Variants in PHGDH observed in about 807,000 individuals in gnomAD.
PHGDH encodes phosphoglycerate dehydrogenase, also known as D-3-phosphoglycerate dehydrogenase.
In PHGDH, 50 loss-of-function variants were observed where a neutral mutation model predicts 52.6. The ratio of observed to expected loss-of-function variants is 0.95; its 90% CI spans 0.76 to 1.20. The LOEUF (loss-of-function observed/expected upper bound fraction) is 1.20. Among genes scored for constraint, PHGDH ranks in the 50% most tolerant of loss-of-function variants. PHGDH has a pLI of 0.00. For synonymous variants in PHGDH, 271 were observed against 280.5 expected (o/e 0.97, Z 0.34); for missense variants, 630 against 684.6 (o/e 0.92, Z 0.89).
chr1:119,723,507 A>T, intron 3 of PHGDH, 66 bp downstream of exon 3: 1 of 1,235,612 alleles, frequency 8.1e-7, no homozygotes, highest in Non-Finnish European at 1.2e-6. Flanking sequence ...CTTGCCAAGC[A>T]AATGGACCCA....
At chr1:119,718,273 G>A (rs1230805409) in intron 1 of PHGDH, among the ~76,000 whole-genome samples, 1 of 152,204 alleles carries the variant, frequency 6.6e-6, no homozygotes, top group African/African-American at 2.4e-5. Flanking sequence ...CCATATCCTA[G>A]CTATGTGACT....
intron 1 of PHGDH, among the ~76,000 whole-genome samples, chr1:119,714,975 A>C (rs1340271057): frequency 2.0e-5 from 3 of 152,224 alleles, no homozygotes; most frequent in Non-Finnish European, 4.4e-5. Flanking sequence ...AAAGTTTGGA[A>C]AACGTTGGCT....
intron 1 of PHGDH, among the ~76,000 whole-genome samples, chr1:119,719,345 G>T (rs747629953): frequency 2.0e-5 from 3 of 152,230 alleles, no homozygotes; most frequent in Non-Finnish European, 4.4e-5. Flanking sequence ...GGGAAAGTAG[G>T]CAGGCTTAAC....
chr1:119,717,232 CAAAAAAAAAAAA>C (rs58549149), intron 1 of PHGDH, among the ~76,000 whole-genome samples: 4 of 37,352 alleles, frequency 1.1e-4, no homozygotes. Context: ...AACTCTGTCT[CAAAAAAAAAAAA>C]AAAAAAAAAA....
At position 119,711,958 on chromosome 1, in the gene PHGDH, G is replaced by A. The variant is rs1346558940; in HGVS notation, c.-65G>A. 55 of 1,587,404 alleles carry A rather than the reference G, an allele frequency of 3.5e-5. No homozygotes were observed. Among genetic ancestry groups the A allele is most frequent in the Non-Finnish European group, 4.6e-5 (53 of 1,157,772 alleles). On this transcript the variant is annotated 5_prime_UTR_variant, in exon 1 of 12. Coordinates refer to ENST00000641023, the MANE Select transcript of PHGDH (RefSeq NM_006623.4). ...CCCAGTTACTCTAGCGCGCCAGGCC[G>A]AACCGCAGCTTCTTGGCTTAGGTAC... is the stretch of plus-strand genomic sequence containing the variant.
At chr1:119,728,712 A>C (rs1651561873) in intron 5 of PHGDH, among the ~76,000 whole-genome samples, 1 of 152,178 alleles carries the variant, frequency 6.6e-6, no homozygotes, top group Admixed American at 6.5e-5. Flanking sequence ...GATAGGCCAA[A>C]GAGATGAACC....
At chr1:119,729,006 A>C (rs1571001718) in intron 5 of PHGDH, among the ~76,000 whole-genome samples, 1 of 152,178 alleles carries the variant, frequency 6.6e-6, no homozygotes, top group Non-Finnish European at 1.5e-5. Context: ...ACTCATAGCA[A>C]ATGGACAGTA....
At chr1:119,712,335 A>G (rs587749060) in intron 1 of PHGDH, among the ~76,000 whole-genome samples, 175 bp downstream of exon 1, 1 of 152,246 alleles carries the variant, frequency 6.6e-6, no homozygotes, top group Non-Finnish European at 1.5e-5. Context: ...AGAGGGAAGA[A>G]CAAACGGCGG....
chr1:119,726,179 AGT>A (rs55671458), intron 3 of PHGDH, among the ~76,000 whole-genome samples: 26,202 of 130,918 alleles, frequency 0.2, 2,909 homozygotes, highest in African/African-American at 0.38. Flanking sequence ...GGCTGTGAAG[AGT>A]GTGTGTGTGT....
At chr1:119,740,988 C>G (rs1450274912) in intron 9 of PHGDH, among the ~76,000 whole-genome samples, 2 of 152,122 alleles carry the variant, frequency 1.3e-5, no homozygotes, top group Admixed American at 1.3e-4. Context: ...ACTTTGTGCT[C>G]TGTAACTTAC....
intron 3 of PHGDH, chr1:119,724,974 GC>G (rs3838425): frequency 0.42 from 190,739 of 456,274 alleles, 42,151 homozygotes; most frequent in African/African-American, 0.67. Flanking sequence ...GAGTGTGGGT[GC>G]CTATATGTAG....
Position 119,723,449 on chromosome 1 carries a change from C to T in PHGDH, c.356+8C>T, listed in dbSNP as rs751839942. The T allele has an allele frequency of 2.5e-6, 4 of 1,607,342 alleles. No individual in the cohort carries two copies. The highest frequency in any genetic ancestry group is 2.2e-5 in the East Asian group (1 of 44,810). ...GATCATGTGCCTGGCCAGGTAAGTC[C>T]CTGACTTCTCAGCAAAGCTAGTCTC... On this transcript the variant is annotated splice_region_variant and intron_variant, in intron 3 of 11. Coordinates refer to ENST00000641023, the MANE Select transcript of PHGDH (RefSeq NM_006623.4).
chr1:119,731,552 G>A (rs894268334), intron 5 of PHGDH, among the ~76,000 whole-genome samples: 2 of 152,176 alleles, frequency 1.3e-5, no homozygotes, highest in African/African-American at 4.8e-5. Context: ...AGTTATCACC[G>A]ATTTTTTCAG....
rs181079797 is a variant in PHGDH at position 119,723,653 on chromosome 1, C to T, written c.356+212C>T. 1.2e-4 allele frequency among the ~76,000 whole-genome samples: 19 copies of T among 152,116 alleles called. No individual in the cohort carries two copies. The East Asian group carries it at 3.8e-3, about 30-fold the overall frequency. On this transcript the variant is annotated intron_variant, in intron 3 of 11. Coordinates refer to ENST00000641023, the MANE Select transcript of PHGDH (RefSeq NM_006623.4). ...ACAGGTTCCCTAGTGCACAAAGGTGCACTTCTCTTTACTCATGTTCTATTC... is the reference window on the plus strand; with the variant it reads ...ACAGGTTCCCTAGTGCACAAAGGTGTACTTCTCTTTACTCATGTTCTATTC...
chr1:119,737,364 C>T, intron 8 of PHGDH, 98 bp downstream of exon 8: 16 of 1,069,472 alleles, frequency 1.5e-5, no homozygotes, highest in Non-Finnish European at 1.9e-5. Flanking sequence ...TGAATAGATT[C>T]AGCCCTGGGA....
intron 5 of PHGDH, among the ~76,000 whole-genome samples, chr1:119,728,554 A>T (rs1174751175): frequency 6.6e-6 from 1 of 152,096 alleles, no homozygotes; most frequent in East Asian, 1.9e-4. Flanking sequence ...CTACTCTGGG[A>T]GCTCAGTAGG....
chr1:119,724,493 G>T (rs767005118), intron 3 of PHGDH: 5 of 337,406 alleles, frequency 1.5e-5, no homozygotes, highest in Non-Finnish European at 2.9e-5. Context: ...GGCAGTGGGG[G>T]GAAAGGAGAA....
chr1:119,733,126 G>GAAAA (rs1553237057), intron 5 of PHGDH, among the ~76,000 whole-genome samples: 6 of 152,162 alleles, frequency 3.9e-5, no homozygotes, highest in Non-Finnish European at 8.8e-5. Context: ...CCAGCGTTCT[G>GAAAA]AGCTGGAGGT....
At position 119,740,384 on chromosome 1, in the gene PHGDH, A is replaced by C; in HGVS notation, c.946-2A>C. 6.2e-7 allele frequency: 1 copy of C among 1,614,106 alleles called. No homozygotes were observed. Among genetic ancestry groups the C allele is most frequent in the Non-Finnish European group, 8.5e-7 (1 of 1,179,986 alleles). On this transcript the variant is annotated splice_acceptor_variant, in intron 8 of 11. Transcript: ENST00000641023. LOFTEE classifies it high-confidence loss of function. ...ACAGCCCCGCTCCTCCATCCTCTGC[A>C]GGTGAATGCCCAGGCCCTTACCAGT...
Sources: gnomAD v4.1 joint callset for allele counts (sites outside exome capture counted in the v4.1 genomes callset) on GRCh38, gnomAD v4.1.1 for gene constraint, MANE v1.5 for transcripts, NCBI Gene and HGNC (gene_info 2026-07-23, HGNC 2026-07-21) for gene names.